The following CYFIP1 variants were observed in gnomAD, a reference collection of about 807,000 sequenced individuals.
CYFIP1 encodes cytoplasmic FMR1-interacting protein 1.
Under a neutral mutation model 163.5 loss-of-function variants are expected in CYFIP1, and 58 were observed. The observed-to-expected ratio is 0.35, with a 90% confidence interval of 0.29 to 0.44. The LOEUF is 0.44. Ranked by LOEUF, CYFIP1 falls within the 20% of genes least tolerant of loss-of-function variation. The pLI is 1.00. For missense variants in CYFIP1, 1,338 were observed against 1,653.8 expected (o/e 0.81, Z 3.31); for synonymous variants, 663 against 660.7 (o/e 1.00, Z -0.05).
chr15:22,967,594 C>G (rs562700055), intron 1 of CYFIP1, among the ~76,000 whole-genome samples: 1 of 152,300 alleles, frequency 6.6e-6, no homozygotes, highest in East Asian at 1.9e-4. Flanking sequence ...AGCACCCCAC[C>G]ACAGCCCGCA....
rs2059377429 is a variant in CYFIP1 at position 22,869,968 on chromosome 15, CTAAA to C, written c.*56_*59del. On this transcript the variant is annotated 3_prime_UTR_variant, in exon 31 of 31. Transcript: ENST00000617928. ...TGAAAAATAGTCCCTAAAAATCTCA[CTAAA>C]TAGTTTACGGAGAGAAAGGCATGCC... The C allele has an allele frequency of 4.1e-6, 6 of 1,463,660 alleles. No homozygotes were observed. The highest frequency in any genetic ancestry group is 1.5e-5 in the African/African-American group (1 of 68,704). The allele number at this position is 1,463,660 out of a possible 1,614,324, so 90.7% of individuals were successfully genotyped here.
At chr15:22,877,056 T>C (rs910726335) in intron 26 of CYFIP1, among the ~76,000 whole-genome samples, 6 of 152,032 alleles carry the variant, frequency 3.9e-5, no homozygotes, top group Non-Finnish European at 8.8e-5. Flanking sequence ...GAGGCTATGG[T>C]TTGGATGTGG....
At chr15:22,974,261 C>T (rs2063193758) in intron 1 of CYFIP1, among the ~76,000 whole-genome samples, 1 of 152,142 alleles carries the variant, frequency 6.6e-6, no homozygotes, top group East Asian at 1.9e-4. Context: ...ACAGCCAAGA[C>T]ATGGAATCAA....
At chr15:22,927,872 T>C (rs754646992) in intron 12 of CYFIP1, 34 bp downstream of exon 12, 4 of 1,564,514 alleles carry the variant, frequency 2.6e-6, no homozygotes, top group Admixed American at 2.2e-5. Flanking sequence ...CGAGGCAGCT[T>C]TGGAGCGGGG....
chr15:22,873,487 T>G lies in CYFIP1; in HGVS notation c.3449+4A>C. On this transcript the variant is annotated splice_donor_region_variant and intron_variant, in intron 29 of 30. Transcript: ENST00000617928. Reference sequence around the variant, plus strand: ...GCTTTGTCCTGCTCTCAGCACACACTTACTCGACTGTGAACTCGTGTGTCC... The same window carrying G: ...GCTTTGTCCTGCTCTCAGCACACACGTACTCGACTGTGAACTCGTGTGTCC... 6.2e-7 allele frequency: 1 copy of G among 1,610,620 alleles called. No homozygotes were observed. The highest frequency in any genetic ancestry group is 8.5e-7 in the Non-Finnish European group (1 of 1,177,048).
intron 24 of CYFIP1, among the ~76,000 whole-genome samples, 154 bp downstream of exon 24, chr15:22,882,714 G>A (rs1413883372): frequency 6.6e-6 from 1 of 152,166 alleles, no homozygotes; most frequent in African/African-American, 2.4e-5. Context: ...AAAGATGAGG[G>A]AAGTATCAAA....
intron 1 of CYFIP1, among the ~76,000 whole-genome samples, chr15:22,956,248 C>G (rs1004462594): frequency 6.6e-6 from 1 of 152,032 alleles, no homozygotes; most frequent in Non-Finnish European, 1.5e-5. Context: ...TTCCCTGTGT[C>G]TGAGCAGCAT....
intron 23 of CYFIP1, among the ~76,000 whole-genome samples, chr15:22,886,594 TTA>T (rs952442145): frequency 7.2e-5 from 11 of 152,160 alleles, no homozygotes; most frequent in Non-Finnish European, 1.6e-4. Context: ...GATTTTCTGG[TTA>T]TCTTTTTATT....
At chr15:22,949,437 G>T (rs1024388947) in intron 1 of CYFIP1, among the ~76,000 whole-genome samples, 2 of 152,102 alleles carry the variant, frequency 1.3e-5, no homozygotes, top group African/African-American at 4.8e-5. Context: ...GCTGGCCAGC[G>T]GTACAGGCTG....
chr15:22,898,926 C>T (rs549776410), intron 22 of CYFIP1, among the ~76,000 whole-genome samples: 3 of 151,782 alleles, frequency 2.0e-5, no homozygotes, highest in East Asian at 1.9e-4. Flanking sequence ...TGCTTGAATC[C>T]GGGAGGCAGA....
At chr15:22,966,099 A>C (rs143155415) in intron 1 of CYFIP1, among the ~76,000 whole-genome samples, 318 of 152,150 alleles carry the variant, frequency 2.1e-3, no homozygotes, top group African/African-American at 7.3e-3. Context: ...CTGTAATCCC[A>C]ACACTTTGGG....
chr15:22,883,144 T>C, intron 23 of CYFIP1, 133 bp from the exon 24 acceptor site: 2 of 977,072 alleles, frequency 2.0e-6, no homozygotes, highest in Non-Finnish European at 2.9e-6. Flanking sequence ...TAAAATCTAC[T>C]GCCCTTAACT....
intron 13 of CYFIP1, 84 bp from the exon 14 acceptor site, chr15:22,918,942 C>A: frequency 8.9e-7 from 1 of 1,128,850 alleles, no homozygotes; most frequent in South Asian, 1.5e-5. Context: ...GGGGCTGCTC[C>A]TCCTCGCCCA....
intron 23 of CYFIP1, among the ~76,000 whole-genome samples, chr15:22,889,656 C>T (rs1182105811): frequency 6.6e-6 from 1 of 152,186 alleles, no homozygotes; most frequent in Non-Finnish European, 1.5e-5. Flanking sequence ...CCCTCGCTTC[C>T]ACAGCCATCC....
At position 22,926,112 on chromosome 15, in the gene CYFIP1, G is replaced by T. The variant is rs753645602; in HGVS notation, c.1234-5C>A. 4 of 1,614,116 alleles carry T rather than the reference G, an allele frequency of 2.5e-6. No individual in the cohort carries two copies. In the South Asian group the frequency reaches 4.4e-5, roughly 18 times the overall value. On this transcript the variant is annotated splice_polypyrimidine_tract_variant and splice_region_variant and intron_variant, in intron 12 of 30. Transcript: ENST00000617928. ...GTGCACAAGCTTCCAGGAATACTGT[G>T]GTGGCCGAAAGAGCAGAGGTGTTCC...
chr15:22,927,060 G>A (rs1273694953), intron 12 of CYFIP1, among the ~76,000 whole-genome samples: 1 of 152,154 alleles, frequency 6.6e-6, no homozygotes, highest in African/African-American at 2.4e-5. Flanking sequence ...GACTTGGCCA[G>A]GTACAGTGGC....
At chr15:22,969,258 C>T (rs1025974171) in intron 1 of CYFIP1, among the ~76,000 whole-genome samples, 10 of 152,166 alleles carry the variant, frequency 6.6e-5, no homozygotes, top group African/African-American at 1.7e-4. Flanking sequence ...CTGGGAGCCA[C>T]AGTTCAACAG....
At chr15:22,875,767 C>T (rs2059564521) in intron 26 of CYFIP1, among the ~76,000 whole-genome samples, 1 of 151,940 alleles carries the variant, frequency 6.6e-6, no homozygotes, top group South Asian at 2.1e-4. Context: ...TGTCCACATC[C>T]ACTCATTCCC....
intron 1 of CYFIP1, among the ~76,000 whole-genome samples, chr15:22,974,299 G>C (rs1482381183): frequency 1.3e-5 from 2 of 152,176 alleles, no homozygotes; most frequent in Non-Finnish European, 2.9e-5. Flanking sequence ...AGATGAGCAA[G>C]GCCGGGCCTG....
Sources: allele counts gnomAD v4.1 joint callset (sites outside exome capture counted in the v4.1 genomes callset), GRCh38; gene constraint gnomAD v4.1.1; transcripts MANE v1.5; gene names NCBI Gene and HGNC (gene_info 2026-07-23, HGNC 2026-07-21).